The following SEMA3E variants were observed in gnomAD, a reference collection of about 807,000 sequenced individuals.
The protein encoded by SEMA3E is semaphorin 3E, also known as semaphorin-3E.
SEMA3E carries 49 observed loss-of-function variants against 93.6 expected under a neutral mutation model. That is an observed-to-expected ratio of 0.52 (90% CI 0.42 to 0.66). The LOEUF (loss-of-function observed/expected upper bound fraction) is 0.66, where lower values mean the gene tolerates loss of function less well. Among genes scored for constraint, SEMA3E ranks in the 30% least tolerant of loss-of-function variants. SEMA3E has a pLI of 0.00. For missense variants in SEMA3E, 906 were observed against 964.8 expected (o/e 0.94, Z 0.81); for synonymous variants, 363 against 330.7 (o/e 1.10, Z -1.06).
intron 4 of SEMA3E, among the ~76,000 whole-genome samples, chr7:83,435,598 AAAAAT>A (rs1788988424): frequency 6.6e-6 from 1 of 152,196 alleles, no homozygotes; most frequent in Non-Finnish European, 1.5e-5. Flanking sequence ...TCCGTCCAAA[AAAAAT>A]AAAATAAATA....
At chr7:83,525,528 C>T (rs1274641648) in intron 1 of SEMA3E, among the ~76,000 whole-genome samples, 1 of 120,168 alleles carries the variant, frequency 8.3e-6, no homozygotes, top group Non-Finnish European at 2.0e-5. Flanking sequence ...TTCTTGTTTT[C>T]TCATGTATTT....
intron 1 of SEMA3E, among the ~76,000 whole-genome samples, chr7:83,507,444 GTGTGTGT>G: frequency 6.8e-6 from 1 of 146,214 alleles, no homozygotes; most frequent in African/African-American, 2.5e-5. Context: ...GTGTGTGTGT[GTGTGTGT>G]GTGTGTGTGT....
intron 1 of SEMA3E, among the ~76,000 whole-genome samples, chr7:83,599,645 A>G (rs1295512602): frequency 2.6e-5 from 4 of 152,242 alleles, no homozygotes; most frequent in Non-Finnish European, 4.4e-5. Flanking sequence ...TTACATACAA[A>G]TAACTACATT....
chr7:83,367,691 C>A lies in SEMA3E; in HGVS notation c.2223G>T (p.Lys741Asn). 3 of 1,614,060 alleles carry A rather than the reference C, an allele frequency of 1.9e-6. No individual in the cohort carries two copies. The highest frequency in any genetic ancestry group is 2.5e-6 in the Non-Finnish European group (3 of 1,180,006). Residue 741 changes from lysine (K) to asparagine (N), a missense_variant, in exon 17 of 17, where the codon AAG becomes AAT. Transcript: ENST00000643230. ...TCCACTTGGAGGGTGACATTTTAAG[C>A]TTTTTCCTCTTTCTATCTGTGCACC... ...KVWCTDRKRKKLKMSPSKWKY... is the reference protein window; with the variant it reads ...KVWCTDRKRKNLKMSPSKWKY...
At chr7:83,429,620 T>C (rs115810414) in intron 4 of SEMA3E, among the ~76,000 whole-genome samples, 344 of 152,276 alleles carry the variant, frequency 2.3e-3, no homozygotes, top group African/African-American at 7.9e-3. Context: ...AGTGCTTTTG[T>C]TTTTGAAGGA....
chr7:83,534,006 T>A (rs1192802612), intron 1 of SEMA3E, among the ~76,000 whole-genome samples: 2 of 152,210 alleles, frequency 1.3e-5, no homozygotes, highest in African/African-American at 4.8e-5. Flanking sequence ...CTAAATAGCA[T>A]ATCATATGGG....
intron 4 of SEMA3E, among the ~76,000 whole-genome samples, chr7:83,454,271 A>T (rs1169332502): frequency 5.4e-4 from 56 of 102,862 alleles, no homozygotes; most frequent in Middle Eastern, 5.3e-3. Context: ...AAAAAAAAAA[A>T]AATATATATA....
chr7:83,582,087 G>A (rs1334230259), intron 1 of SEMA3E, among the ~76,000 whole-genome samples: 1 of 151,632 alleles, frequency 6.6e-6, no homozygotes, highest in East Asian at 1.9e-4. Flanking sequence ...GGAGAATATT[G>A]CATTCTATTG....
rs1385066875 is a variant in SEMA3E, at chr7:83,637,026, GTGTGTGTGTGTGTA to G, written c.115+11388_115+11401del. On this transcript the variant is annotated intron_variant, in intron 1 of 16. Coordinates refer to ENST00000643230, the MANE Select transcript of SEMA3E (RefSeq NM_012431.3). Reference sequence around the variant, plus strand: ...TTGACTAAAAGCTATGTGTGAGAGTGTGTGTGTGTGTGTATGTGTGTGTGTGTGTGTGTGTGAAA... The same window carrying G: ...TTGACTAAAAGCTATGTGTGAGAGTGTGTGTGTGTGTGTGTGTGTGTGAAA... 5.4e-5 allele frequency among the ~76,000 whole-genome samples: 6 copies of G among 111,852 alleles called. No homozygotes were observed. The East Asian group carries it at 1.6e-3, about 29-fold the overall frequency. 73.4% of individuals were successfully genotyped at this position (111,852 alleles called of 152,430 possible).
At chr7:83,372,877 G>A (rs2116899078) in intron 16 of SEMA3E, 1 of 152,222 alleles carries the variant, frequency 6.6e-6, no homozygotes, top group African/African-American at 2.4e-5. Context: ...TTAGAAATTT[G>A]TATCTGAAGT....
At position 83,473,540 on chromosome 7, in the gene SEMA3E, C is replaced by T. The variant is rs544911043; in HGVS notation, c.277-4238G>A. On this transcript the variant is annotated intron_variant, in intron 2 of 16. Transcript: ENST00000643230. ...ATTGGCGGTATTTTTTATTTAGTGG[C>T]AAATTGTAATTATTTTTAGGCTAGG... Among the ~76,000 whole-genome samples, 4 of 152,222 alleles carry T rather than the reference C, an allele frequency of 2.6e-5. No individual in the cohort carries two copies. The South Asian group carries it at 8.3e-4, about 32-fold the overall frequency.
intron 1 of SEMA3E, among the ~76,000 whole-genome samples, chr7:83,631,048 A>C (rs1793776127): frequency 1.3e-5 from 2 of 152,174 alleles, no homozygotes; most frequent in African/African-American, 2.4e-5. Flanking sequence ...AAGCAAATTC[A>C]AGTTATAAAA....
intron 4 of SEMA3E, among the ~76,000 whole-genome samples, chr7:83,421,436 A>C (rs1788667977): frequency 7.0e-6 from 1 of 142,182 alleles, no homozygotes; most frequent in Non-Finnish European, 1.6e-5. Context: ...ATTCTCATTA[A>C]AGGTTGTTTT....
chr7:83,405,648 T>C (rs1301133037), intron 8 of SEMA3E, 129 bp from the exon 9 acceptor site: 1 of 824,946 alleles, frequency 1.2e-6, no homozygotes, highest in Non-Finnish European at 2.0e-6. Context: ...TATACAATCA[T>C]ACAACCATGA....
At chr7:83,488,146 T>C (rs1280076395) in intron 2 of SEMA3E, among the ~76,000 whole-genome samples, 5 of 151,946 alleles carry the variant, frequency 3.3e-5, no homozygotes, top group Non-Finnish European at 7.4e-5. Context: ...AAATCAGAAG[T>C]GTTTCAAAGT....
chr7:83,476,070 TAC>T (rs549713288), intron 2 of SEMA3E, among the ~76,000 whole-genome samples: 21 of 152,214 alleles, frequency 1.4e-4, no homozygotes, highest in Non-Finnish European at 2.8e-4. Context: ...GACTATAAAT[TAC>T]AGAGGGCAAG....
At chr7:83,569,764 A>AATAAT (rs1221868130) in intron 1 of SEMA3E, among the ~76,000 whole-genome samples, 1 of 152,224 alleles carries the variant, frequency 6.6e-6, no homozygotes, top group Non-Finnish European at 1.5e-5. Context: ...ACAGCCACAC[A>AATAAT]ATAATAGTGG....
intron 4 of SEMA3E, among the ~76,000 whole-genome samples, chr7:83,422,104 GA>G: frequency 6.6e-6 from 1 of 152,326 alleles, no homozygotes. Flanking sequence ...TTGAACCTGG[GA>G]GGTGGAGGTT....
At chr7:83,585,148 C>T (rs957905057) in intron 1 of SEMA3E, among the ~76,000 whole-genome samples, 5 of 152,142 alleles carry the variant, frequency 3.3e-5, no homozygotes, top group Non-Finnish European at 4.4e-5. Flanking sequence ...GGACTAAGTC[C>T]TTGTCTGTGC....
Sources: gnomAD v4.1 joint callset for allele counts (sites outside exome capture counted in the v4.1 genomes callset) on GRCh38, gnomAD v4.1.1 for gene constraint, MANE v1.5 for transcripts, NCBI Gene and HGNC (gene_info 2026-07-23, HGNC 2026-07-21) for gene names.